The following ITFG1 variants were observed in gnomAD, a reference collection of about 807,000 sequenced individuals.
ITFG1 encodes T-cell immunomodulatory protein.
Under a neutral mutation model 81.8 loss-of-function variants are expected in ITFG1, and 34 were observed. That is an observed-to-expected ratio of 0.42 (90% CI 0.32 to 0.55). The LOEUF (loss-of-function observed/expected upper bound fraction) is 0.55, where lower values mean the gene tolerates loss of function less well. ITFG1 is among the 20% of genes least tolerant of loss of function. The probability of loss-of-function intolerance (pLI) is 0.17; values close to 1 mark genes in which losing one functional copy is unlikely to be tolerated. For synonymous variants in ITFG1, 285 were observed against 270.6 expected (o/e 1.05, Z -0.52); for missense variants, 672 against 755.4 (o/e 0.89, Z 1.29).
At chr16:47,349,168 C>A (rs1967909519) in intron 8 of ITFG1, among the ~76,000 whole-genome samples, 1 of 152,158 alleles carries the variant, frequency 6.6e-6, no homozygotes, top group African/African-American at 2.4e-5. Context: ...AGCAAAGTTA[C>A]CAGCTAACAT....
At chr16:47,257,218 T>A (rs1000702471) in intron 12 of ITFG1, among the ~76,000 whole-genome samples, 2 of 152,192 alleles carry the variant, frequency 1.3e-5, no homozygotes, top group Admixed American at 6.5e-5. Flanking sequence ...AAGACGAAGT[T>A]GTCTATGTAG....
chr16:47,297,872 A>G (rs1181557743), intron 10 of ITFG1, among the ~76,000 whole-genome samples: 1 of 152,122 alleles, frequency 6.6e-6, no homozygotes, highest in Non-Finnish European at 1.5e-5. Context: ...TTGAATGTGT[A>G]AATCTTTTGC....
At chr16:47,183,059 G>A (rs954588938) in intron 14 of ITFG1, among the ~76,000 whole-genome samples, 7 of 152,180 alleles carry the variant, frequency 4.6e-5, no homozygotes, top group East Asian at 1.9e-4. Flanking sequence ...GCGCTTTTCC[G>A]ACGGGCTTAA....
chr16:47,185,712 G>C (rs1200223555), intron 14 of ITFG1, among the ~76,000 whole-genome samples: 3 of 152,070 alleles, frequency 2.0e-5, no homozygotes, highest in African/African-American at 7.2e-5. Context: ...AGAAAAGCAA[G>C]AGCAAACACA....
At chr16:47,243,732 A>T (rs1211789830) in intron 12 of ITFG1, among the ~76,000 whole-genome samples, 4 of 152,198 alleles carry the variant, frequency 2.6e-5, no homozygotes, top group African/African-American at 9.7e-5. Context: ...AATATGTTTC[A>T]TAAAGTTCCA....
intron 14 of ITFG1, among the ~76,000 whole-genome samples, chr16:47,173,514 A>G (rs1964984921): frequency 6.6e-6 from 1 of 152,200 alleles, no homozygotes; most frequent in South Asian, 2.1e-4. Flanking sequence ...ATGGTATTAG[A>G]CAACAAAAAA....
At chr16:47,356,385 T>A (rs936431178) in intron 8 of ITFG1, among the ~76,000 whole-genome samples, 9 of 152,212 alleles carry the variant, frequency 5.9e-5, no homozygotes, top group African/African-American at 1.9e-4. Context: ...AAGCTTTCTC[T>A]TGATTAAATT....
intron 8 of ITFG1, among the ~76,000 whole-genome samples, chr16:47,339,145 T>C (rs1967748329): frequency 6.6e-6 from 1 of 152,256 alleles, no homozygotes; most frequent in Non-Finnish European, 1.5e-5. Context: ...CATTCTTTCT[T>C]ATGCCTGAAT....
chr16:47,354,701 CA>C (rs943558637), intron 8 of ITFG1, among the ~76,000 whole-genome samples: 1 of 151,092 alleles, frequency 6.6e-6, no homozygotes, highest in Admixed American at 6.6e-5. Context: ...AATTCAATAC[CA>C]AAAAAAATTG....
chr16:47,242,431 T>C (rs1343236404), intron 12 of ITFG1, among the ~76,000 whole-genome samples: 1 of 151,670 alleles, frequency 6.6e-6, no homozygotes, highest in Non-Finnish European at 1.5e-5. Flanking sequence ...CATGATAAAA[T>C]TGTCTGTAAG....
At chr16:47,311,463 T>C (rs557492435) in intron 9 of ITFG1, 51 bp from the exon 10 acceptor site, 1 of 1,400,762 alleles carries the variant, frequency 7.1e-7, no homozygotes, top group African/African-American at 1.5e-5. Flanking sequence ...TATAAAAAAA[T>C]TTATAATTTG....
chr16:47,364,279 T>C (rs1968147766), intron 8 of ITFG1, among the ~76,000 whole-genome samples: 1 of 152,232 alleles, frequency 6.6e-6, no homozygotes. Context: ...AATTTGACTG[T>C]GTCTTATAAT....
intron 5 of ITFG1, among the ~76,000 whole-genome samples, chr16:47,447,135 T>G (rs1312597759): frequency 6.6e-6 from 1 of 152,188 alleles, no homozygotes; most frequent in Non-Finnish European, 1.5e-5. Context: ...CCCAAAGTGT[T>G]GGGATTACTG....
intron 5 of ITFG1, among the ~76,000 whole-genome samples, chr16:47,440,650 C>A (rs940729340): frequency 2.6e-5 from 4 of 152,028 alleles, no homozygotes; most frequent in African/African-American, 7.2e-5. Flanking sequence ...AGAACAAAGA[C>A]ACAACATACC....
At chr16:47,351,011 C>G (rs549387924) in intron 8 of ITFG1, among the ~76,000 whole-genome samples, 1 of 152,140 alleles carries the variant, frequency 6.6e-6, no homozygotes, top group Non-Finnish European at 1.5e-5. Context: ...AATTCAACAG[C>G]GCTTCATGCT....
chr16:47,422,322 C>T (rs891700401), intron 6 of ITFG1, among the ~76,000 whole-genome samples: 2 of 152,254 alleles, frequency 1.3e-5, no homozygotes, highest in Admixed American at 1.3e-4. Context: ...TATTTCTCCA[C>T]ATCCTCTCCA....
intron 10 of ITFG1, among the ~76,000 whole-genome samples, chr16:47,285,409 T>C (rs1966866073): frequency 6.6e-6 from 1 of 152,134 alleles, no homozygotes; most frequent in African/African-American, 2.4e-5. Context: ...AACCTGTCAA[T>C]ATAAGTAAGT....
At chr16:47,223,538 T>A (rs1212456853) in intron 13 of ITFG1, among the ~76,000 whole-genome samples, 5 of 152,164 alleles carry the variant, frequency 3.3e-5, no homozygotes, top group African/African-American at 1.2e-4. Flanking sequence ...CCAGTTAGAA[T>A]GGCAATCATT....
At chr16:47,278,899 A>G (rs912300258) in intron 10 of ITFG1, among the ~76,000 whole-genome samples, 2 of 152,186 alleles carry the variant, frequency 1.3e-5, no homozygotes, top group Non-Finnish European at 2.9e-5. Flanking sequence ...AATACTTATG[A>G]AAGACTTGAA....
Sources: allele counts gnomAD v4.1 joint callset (sites outside exome capture counted in the v4.1 genomes callset), GRCh38; gene constraint gnomAD v4.1.1; transcripts MANE v1.5; gene names NCBI Gene and HGNC (gene_info 2026-07-23, HGNC 2026-07-21).